IGSF9B: variants seen among roughly 807,000 people sequenced by gnomAD.
IGSF9B encodes protein turtle homolog B.
IGSF9B carries 48 observed loss-of-function variants against 143.7 expected under a neutral mutation model. The observed-to-expected ratio is 0.33, with a 90% CI of 0.26 to 0.42. The LOEUF (loss-of-function observed/expected upper bound fraction) is 0.42, where lower values mean the gene tolerates loss of function less well. IGSF9B is among the 20% of genes least tolerant of loss of function. The pLI, the probability that IGSF9B is intolerant of heterozygous loss-of-function variation, is 1.00. For missense variants in IGSF9B, 1,706 were observed against 1,980.0 expected (o/e 0.86, Z 2.63); for synonymous variants, 903 against 833.1 (o/e 1.08, Z -1.44).
Position 133,899,112 on chromosome 11 carries a change from C to A in IGSF9B, c.*9957G>T, listed in dbSNP as rs759778690. On this transcript the variant is annotated 3_prime_UTR_variant, in exon 20 of 20. Coordinates refer to ENST00000533871, the MANE Select transcript of IGSF9B (RefSeq NM_001277285.4). ...CAAGACAGAAACAACTCCTCAGATA[C>A]CTCCACCTTCTACCAAAGGGAAAAG... 6.6e-6 allele frequency: 1 copy of A among 152,252 alleles called. No individual in the cohort carries two copies. The highest frequency in any genetic ancestry group is 2.4e-5 in the African/African-American group (1 of 41,442). 9.4% of individuals were successfully genotyped at this position (152,252 alleles called of 1,614,324 possible).
intron 1 of IGSF9B, among the ~76,000 whole-genome samples, chr11:133,947,128 G>A (rs972208230): frequency 3.3e-5 from 5 of 152,010 alleles, no homozygotes; most frequent in African/African-American, 9.7e-5. Context: ...CAAGGCAGCA[G>A]GCGGGAGGAC....
chr11:133,925,033 C>T (rs1939599970), intron 14 of IGSF9B, 129 bp from the exon 15 acceptor site: 1 of 731,636 alleles, frequency 1.4e-6, no homozygotes, highest in Non-Finnish European at 2.3e-6. Flanking sequence ...TGCTAAGTGT[C>T]TAATGCTAAG....
At position 133,948,681 on chromosome 11, in the gene IGSF9B, T is replaced by C. The variant is rs1383887531; in HGVS notation, c.65-2423A>G. 6.7e-6 allele frequency among the ~76,000 whole-genome samples: 1 copy of C among 150,038 alleles called. No individual in the cohort carries two copies. The highest frequency in any genetic ancestry group is 1.5e-5 in the Non-Finnish European group (1 of 67,704). On this transcript the variant is annotated intron_variant, in intron 1 of 19. Coordinates refer to ENST00000533871, the MANE Select transcript of IGSF9B (RefSeq NM_001277285.4). The surrounding 1 kb of genome is among the most constrained non-coding windows in gnomAD (Gnocchi z 4.7). ...TGTGTGTGTCTACAGCACACACCTGTGAGGAGATAAGAAACTACAAGAGCC... is the reference window on the plus strand; with the variant it reads ...TGTGTGTGTCTACAGCACACACCTGCGAGGAGATAAGAAACTACAAGAGCC...
At chr11:133,936,243 G>A (rs374344001) in intron 5 of IGSF9B, 49 bp from the exon 6 acceptor site, 3 of 1,568,306 alleles carry the variant, frequency 1.9e-6, no homozygotes, top group East Asian at 2.3e-5. Context: ...AGGGACGGCA[G>A]CAGCACCCAG....
In IGSF9B at chr11:133,907,867, C is replaced by T. The variant is rs540891067; in HGVS notation, c.*1202G>A. On this transcript the variant is annotated 3_prime_UTR_variant, in exon 20 of 20. Coordinates refer to ENST00000533871, the MANE Select transcript of IGSF9B (RefSeq NM_001277285.4). The stretch of plus-strand genomic sequence containing the variant: ...CCTGCAGCTCAGGTCCACCGGAGGA[C>T]GAAGGCCCCGGGGCAGAGAAGAGTC... Among the ~76,000 whole-genome samples, 14 of 152,318 alleles carry T rather than the reference C, an allele frequency of 9.2e-5. No homozygotes were observed. The highest frequency in any genetic ancestry group is 3.4e-3 in the Middle Eastern group (1 of 294).
Position 133,930,900 on chromosome 11 carries a change from G to A in IGSF9B, c.1519+84C>T, listed in dbSNP as rs1245096263. 7 of 1,354,778 alleles carry A rather than the reference G, an allele frequency of 5.2e-6. No individual in the cohort carries two copies. The Admixed American group carries it at 9.2e-5, about 18-fold the overall frequency. The allele number at this position is 1,354,778 out of a possible 1,614,324, so 83.9% of individuals were successfully genotyped here. ...AGCCCGCAGAGTGCAGCGGCCACCAGGGGACGCTCCCAGCGTCCAGCACCC... is the reference window on the plus strand; with the variant it reads ...AGCCCGCAGAGTGCAGCGGCCACCAAGGGACGCTCCCAGCGTCCAGCACCC... On this transcript the variant is annotated intron_variant, in intron 11 of 19. Transcript: ENST00000533871.
intron 11 of IGSF9B, among the ~76,000 whole-genome samples, chr11:133,930,256 C>G (rs1939698316): frequency 6.6e-6 from 1 of 152,174 alleles, no homozygotes; most frequent in Non-Finnish European, 1.5e-5. Flanking sequence ...ATTCCCGGAC[C>G]CACTACTTCT....
Position 133,936,141 on chromosome 11 carries a change from C to G in IGSF9B, c.733G>C (p.Asp245His). The change falls in exon 6 of 20, where the codon GAT becomes CAT. Residue 245 changes from aspartate to histidine, a missense_variant. Physicochemically the swap from Asp to His is moderately conservative, Grantham distance 81. Around this residue, in one of 7 missense-constraint regions of IGSF9B, gnomAD observed 238 missense variants for 452.6 expected, o/e 0.53. Transcript: ENST00000533871. ...TCTGCCCGGCAGGTGAGCAGAGCAT[C>G]CTGGGAGATGTTGACGGTGATGTTC... ...PENITVNISQ[D>H]ALLTCRAEAY... is the part of the protein sequence containing the mutation. The G allele has an allele frequency of 6.2e-7, 1 of 1,612,864 alleles. No individual in the cohort carries two copies.
chr11:133,928,381 C>T lies in IGSF9B; in HGVS notation c.1631+1290G>A, dbSNP rs946985533. 6.6e-6 allele frequency among the ~76,000 whole-genome samples: 1 copy of T among 152,146 alleles called. No individual in the cohort carries two copies. Among genetic ancestry groups the T allele is most frequent in the Non-Finnish European group, 1.5e-5 (1 of 68,026 alleles). ...AGTTCTCCAATCAGAATCAAGACAC[C>T]CAGGACACTCCGCCCGGGAAGCAGC... is the stretch of plus-strand genomic sequence containing the variant. On this transcript the variant is annotated intron_variant, in intron 12 of 19. Transcript: ENST00000533871. The surrounding 1 kb of genome is among the most constrained non-coding windows in gnomAD (Gnocchi z 4.7).
At position 133,920,842 on chromosome 11, in the gene IGSF9B, G is replaced by C; in HGVS notation, c.2883C>G (p.Phe961Leu). ...GGTACCCATAATACTGGCCATGGTG[G>C]AAGGGCCGGGGGGCAGGGGGCCGGG... is the stretch of plus-strand genomic sequence containing the variant. The part of the protein sequence containing the change: ...GQARPPAPRP[F>L]HHGQYYGYLS... Residue 961 changes from phenylalanine to leucine, a missense_variant, in exon 18 of 20, where the codon TTC becomes TTG. Transcript: ENST00000533871. The C allele has an allele frequency of 6.2e-7, 1 of 1,600,668 alleles. No homozygotes were observed. The highest frequency in any genetic ancestry group is 8.5e-7 in the Non-Finnish European group (1 of 1,172,746).
chr11:133,922,095 A>T, intron 17 of IGSF9B, 82 bp downstream of exon 17: 1 of 1,162,390 alleles, frequency 8.6e-7, no homozygotes, highest in Non-Finnish European at 1.3e-6. Flanking sequence ...AAACACTAAC[A>T]TGGGGCTGGG....
In IGSF9B at chr11:133,931,246, T is replaced by C; in HGVS notation, c.1369-112A>G. On this transcript the variant is annotated intron_variant, in intron 10 of 19. Transcript: ENST00000533871. The surrounding 1 kb of genome is among the most constrained non-coding windows in gnomAD (Gnocchi z 7.7). The stretch of plus-strand genomic sequence containing the variant: ...AGACCCCGGCCCGCCCACGCTGCCC[T>C]CCTCCCGAGTGCCTGCCGCTCTTCA... 1.8e-6 allele frequency: 2 copies of C among 1,132,798 alleles called. No individual in the cohort carries two copies. The highest frequency in any genetic ancestry group is 2.6e-6 in the Non-Finnish European group (2 of 783,868). 70.2% of individuals were successfully genotyped at this position (1,132,798 alleles called of 1,614,324 possible).
intron 1 of IGSF9B, among the ~76,000 whole-genome samples, chr11:133,947,111 G>A (rs1206138174): frequency 1.3e-5 from 2 of 152,124 alleles, no homozygotes; most frequent in East Asian, 3.9e-4. Flanking sequence ...GCAGCAGAGA[G>A]GGCGAGCAAG....
In IGSF9B at chr11:133,929,652, G is replaced by A. The variant is rs550068554; in HGVS notation, c.1631+19C>T. On this transcript the variant is annotated intron_variant, in intron 12 of 19. Transcript: ENST00000533871. The stretch of plus-strand genomic sequence containing the variant: ...AGCAGAGAGCAAAGCATGCCGGGGT[G>A]ACTCACAGAGGTCCGTACCAAACTG... 1.7e-5 allele frequency: 26 copies of A among 1,531,910 alleles called. No homozygotes were observed. The East Asian group carries it at 5.2e-4, about 30-fold the overall frequency. 94.9% of individuals were successfully genotyped at this position (1,531,910 alleles called of 1,614,324 possible). A position where few individuals can be genotyped will look rare whatever the true frequency, so the allele number is the denominator to read the frequency against.
chr11:133,933,280 A>G (rs920264494), intron 7 of IGSF9B, among the ~76,000 whole-genome samples: 3 of 152,114 alleles, frequency 2.0e-5, no homozygotes, highest in African/African-American at 7.2e-5. Context: ...CCCTTCCCCA[A>G]CAGCTCCTTA....
chr11:133,932,359 G>A (rs1939749270), intron 7 of IGSF9B, 146 bp from the exon 8 acceptor site: 1 of 782,464 alleles, frequency 1.3e-6, no homozygotes, highest in Non-Finnish European at 2.0e-6. Context: ...CAGACACAGG[G>A]ACAGACAGAC....
chr11:133,939,597 T>C (rs937715101), intron 3 of IGSF9B, among the ~76,000 whole-genome samples: 27 of 152,216 alleles, frequency 1.8e-4, no homozygotes, highest in African/African-American at 6.3e-4. Context: ...AAACACTTCT[T>C]AAGAGCAAGG....
chr11:133,940,190 C>T (rs543317556), intron 3 of IGSF9B, among the ~76,000 whole-genome samples: 13 of 140,800 alleles, frequency 9.2e-5, no homozygotes, highest in African/African-American at 3.2e-4. Flanking sequence ...TCATCGCACG[C>T]AAAAACACAC....
At chr11:133,924,965 A>G in intron 14 of IGSF9B, 61 bp from the exon 15 acceptor site, 1 of 1,385,382 alleles carries the variant, frequency 7.2e-7, no homozygotes. Context: ...CTGTCCCCTC[A>G]CACACTCATC....
Sources: gnomAD v4.1 joint callset for allele counts (sites outside exome capture counted in the v4.1 genomes callset) on GRCh38, gnomAD v4.1.1 for gene constraint, gnomAD v4.1.1 regional missense constraint, Gnocchi (gnomAD v3.1) non-coding constraint, MANE v1.5 for transcripts, NCBI Gene and HGNC (gene_info 2026-07-23, HGNC 2026-07-21) for gene names.